RHOT1: variants seen among roughly 807,000 people sequenced by gnomAD.
RHOT1 encodes mitochondrial Rho GTPase 1.
Under a neutral mutation model 95.3 loss-of-function variants are expected in RHOT1, and 27 were observed. The ratio of observed to expected loss-of-function variants is 0.28; its 90% confidence interval spans 0.21 to 0.39. The LOEUF is 0.39. RHOT1 is among the 10% of genes least tolerant of loss of function. The probability of loss-of-function intolerance (pLI) is 1.00; values close to 1 mark genes in which losing one functional copy is unlikely to be tolerated. For missense variants in RHOT1, 578 were observed against 786.7 expected (o/e 0.73, Z 3.17); for synonymous variants, 227 against 263.5 (o/e 0.86, Z 1.34).
intron 16 of RHOT1, among the ~76,000 whole-genome samples, chr17:32,206,409 A>G (rs2037741103): frequency 6.9e-6 from 1 of 144,670 alleles, no homozygotes; most frequent in South Asian, 2.2e-4. Context: ...TTTAGTCTGC[A>G]GAATCAGAAG....
At chr17:32,148,727 A>T (rs977645489) in intron 1 of RHOT1, among the ~76,000 whole-genome samples, 1 of 152,380 alleles carries the variant, frequency 6.6e-6, no homozygotes, top group Non-Finnish European at 1.5e-5. Context: ...CTAAAGAAAC[A>T]TAAAAATGAG....
chr17:32,164,356 T>C (rs113462290), intron 1 of RHOT1, among the ~76,000 whole-genome samples: 6,857 of 151,426 alleles, frequency 0.045, 523 homozygotes, highest in African/African-American at 0.16. Context: ...GCCTCAGCCT[T>C]CCAAGCAGCT....
chr17:32,214,316 G>A (rs150361488), intron 19 of RHOT1, among the ~76,000 whole-genome samples: 62 of 152,302 alleles, frequency 4.1e-4, no homozygotes, highest in Non-Finnish European at 8.4e-4. Context: ...GCCGTTTGTT[G>A]TTGTACAGGT....
intron 19 of RHOT1, chr17:32,211,477 TAAGG>T (rs949062742): frequency 2.3e-5 from 7 of 309,890 alleles, no homozygotes; most frequent in Non-Finnish European, 4.1e-5. Flanking sequence ...GTTTTTTTCA[TAAGG>T]AAGATAAATT....
At chr17:32,150,584 C>A in intron 1 of RHOT1, 3 of 1,586,096 alleles carry the variant, frequency 1.9e-6, no homozygotes, top group Non-Finnish European at 2.6e-6. Flanking sequence ...AGAGAGGAAC[C>A]CTGTCCTCCT....
chr17:32,169,433 TA>T (rs971368408), intron 1 of RHOT1, among the ~76,000 whole-genome samples: 2 of 152,268 alleles, frequency 1.3e-5, no homozygotes, highest in South Asian at 2.1e-4. Context: ...AGTTTGTGTA[TA>T]AAAAAATTGC....
At position 32,182,797 on chromosome 17, in the gene RHOT1, G is replaced by A. The variant is rs1158115480; in HGVS notation, c.370G>A (p.Glu124Lys). The change falls in exon 7 of 20, where the codon GAA (glutamate) becomes AAA (lysine). Residue 124 changes from glutamate to lysine, a missense_variant. Transcript: ENST00000545287. The part of the protein sequence containing the change: ...ILVGNKSDLV[E>K]YSSMETILPI... The stretch of plus-strand genomic sequence containing the variant: ...GGTTGGGAACAAATCTGATCTGGTG[G>A]AATATAGTAGTATGGAGACCATCCT... 6.2e-7 allele frequency: 1 copy of A among 1,608,214 alleles called. No homozygotes were observed. Among genetic ancestry groups the A allele is most frequent in the African/African-American group, 1.3e-5 (1 of 74,732 alleles).
intron 8 of RHOT1, among the ~76,000 whole-genome samples, chr17:32,191,619 G>GCCCC (rs2036493470): frequency 6.6e-6 from 1 of 152,180 alleles, no homozygotes; most frequent in African/African-American, 2.4e-5. Context: ...AAGTTTTAGA[G>GCCCC]TCACAAAAGG....
chr17:32,167,832 T>C (rs1020820807), intron 1 of RHOT1, among the ~76,000 whole-genome samples: 2 of 152,094 alleles, frequency 1.3e-5, no homozygotes, highest in African/African-American at 4.8e-5. Context: ...GCCAGGAGTT[T>C]AAGATCATCT....
chr17:32,213,623 A>G (rs981399370), intron 19 of RHOT1, among the ~76,000 whole-genome samples: 5 of 152,202 alleles, frequency 3.3e-5, no homozygotes, highest in Admixed American at 6.5e-5. Context: ...TCATAATTTT[A>G]TCTAATTAGC....
Position 32,149,591 on chromosome 17 carries a change from C to CTATATATATA in RHOT1, c.37+6898_37+6907dup, listed in dbSNP as rs1162059092. Among the ~76,000 whole-genome samples the CTATATATATA allele has an allele frequency of 1.1e-3, 60 of 52,678 alleles. 1 individual carries two copies. The highest frequency in any genetic ancestry group is 0.02 in the Middle Eastern group (1 of 50). 34.6% of individuals were successfully genotyped at this position (52,678 alleles called of 152,430 possible). A position where few individuals can be genotyped will look rare whatever the true frequency, so the allele number is the denominator to read the frequency against. On this transcript the variant is annotated intron_variant, in intron 1 of 19. Coordinates refer to ENST00000545287, the MANE Select transcript of RHOT1 (RefSeq NM_001033566.3). ...GGTGAATCACTTGAGCCCAGCAGTT[C>CTATATATATA]TATATATATATATATATATATATAT...
chr17:32,202,413 A>T (rs1303075266), intron 14 of RHOT1, among the ~76,000 whole-genome samples: 3 of 152,182 alleles, frequency 2.0e-5, no homozygotes, highest in Non-Finnish European at 4.4e-5. Context: ...ACAGTTTATC[A>T]CAGAAAAAAT....
chr17:32,207,686 T>A (rs1376937273), intron 17 of RHOT1: 2 of 158,340 alleles, frequency 1.3e-5, no homozygotes, highest in African/African-American at 2.5e-5. Flanking sequence ...ATTACATTTT[T>A]AAGTGGTTAT....
At chr17:32,197,582 C>A (rs1033970365) in intron 11 of RHOT1, among the ~76,000 whole-genome samples, 2 of 152,000 alleles carry the variant, frequency 1.3e-5, no homozygotes, top group Non-Finnish European at 1.5e-5. Flanking sequence ...TCCACCACCA[C>A]ACCCAGCTAA....
intron 1 of RHOT1, chr17:32,150,927 T>C (rs2032202897): frequency 6.5e-7 from 1 of 1,542,166 alleles, no homozygotes; most frequent in Non-Finnish European, 8.8e-7. Context: ...TCTTCTTGGA[T>C]GGAAGGTATC....
chr17:32,211,965 A>G (rs1567726734), intron 19 of RHOT1, among the ~76,000 whole-genome samples: 1 of 152,230 alleles, frequency 6.6e-6, no homozygotes, highest in Non-Finnish European at 1.5e-5. Context: ...GGAAGGTTGT[A>G]TTCTTATGCT....
At chr17:32,203,855 A>C in intron 15 of RHOT1, 35 bp from the exon 16 acceptor site, 130 of 1,364,968 alleles carry the variant, frequency 9.5e-5, no homozygotes, top group Non-Finnish European at 1.2e-4. Flanking sequence ...AAAACTAGTT[A>C]CTGCAGATAT....
intron 8 of RHOT1, among the ~76,000 whole-genome samples, chr17:32,188,074 C>A (rs2072083099): frequency 6.6e-6 from 1 of 152,220 alleles, no homozygotes; most frequent in Non-Finnish European, 1.5e-5. Flanking sequence ...ACTCTCATCT[C>A]TTCTCACTGC....
intron 19 of RHOT1, among the ~76,000 whole-genome samples, chr17:32,216,670 C>T (rs2038496757): frequency 6.6e-6 from 1 of 152,016 alleles, no homozygotes; most frequent in Non-Finnish European, 1.5e-5. Context: ...CCAAGTTCTT[C>T]CTTTATGTAG....
Sources: allele counts gnomAD v4.1 joint callset (sites outside exome capture counted in the v4.1 genomes callset), GRCh38; gene constraint gnomAD v4.1.1; transcripts MANE v1.5; gene names NCBI Gene and HGNC (gene_info 2026-07-23, HGNC 2026-07-21).